Variants in LRP1B observed in about 807,000 individuals in gnomAD.
LRP1B encodes the protein LDL receptor related protein 1B.
In LRP1B, 217 loss-of-function variants were observed where a neutral mutation model predicts 556.6. That is an observed-to-expected ratio of 0.39 (90% CI 0.35 to 0.44). The LOEUF (loss-of-function observed/expected upper bound fraction) is 0.44, where lower values mean the gene tolerates loss of function less well. Among genes scored for constraint, LRP1B ranks in the 20% least tolerant of loss-of-function variants. LRP1B has a pLI of 1.00. For missense variants in LRP1B, 5,053 were observed against 5,620.8 expected, an observed-to-expected ratio of 0.90 and a Z score of 3.23; for synonymous variants, 2,047 against 1,865.8, an observed-to-expected ratio of 1.10 and a Z score of -2.50.
chr2:140,364,939 A>ATTCAATT (rs945703939), intron 71 of LRP1B, among the ~76,000 whole-genome samples, 156 bp from the exon 72 acceptor site: 4 of 151,440 alleles, frequency 2.6e-5, no homozygotes, highest in Admixed American at 6.6e-5. Context: ...AACAAGTAAT[A>ATTCAATT]TTCAATTTTT....
rs146047073 is a variant in LRP1B, at chr2:141,980,325, A to C, written c.82+150323T>G. 4.1e-3 allele frequency among the ~76,000 whole-genome samples: 626 copies of C among 152,252 alleles called. 3 individuals carry two copies. Among genetic ancestry groups the C allele is most frequent in the African/African-American group, 0.015 (608 of 41,568 alleles). ...CACCAACCTTATGATGCAGTTCCCC[A>C]ATGCTACAATAAAATGTCCTAGAAA... On this transcript the variant is annotated intron_variant, in intron 1 of 90. Transcript: ENST00000389484.
intron 3 of LRP1B, among the ~76,000 whole-genome samples, chr2:141,331,181 C>T (rs1162938623): frequency 6.6e-6 from 1 of 152,182 alleles, no homozygotes; most frequent in Non-Finnish European, 1.5e-5. Flanking sequence ...CTGCCTATCC[C>T]TGATCCTTAC....
intron 32 of LRP1B, among the ~76,000 whole-genome samples, chr2:140,783,875 A>G (rs1270186604): frequency 6.6e-6 from 1 of 152,240 alleles, no homozygotes; most frequent in East Asian, 1.9e-4. Context: ...GTGATAATCT[A>G]CATTAGAAGT....
chr2:141,340,204 T>A (rs982253199), intron 3 of LRP1B, among the ~76,000 whole-genome samples: 4 of 152,234 alleles, frequency 2.6e-5, no homozygotes, highest in African/African-American at 9.6e-5. Flanking sequence ...ATATGCCTGT[T>A]AAAGTGGAAA....
chr2:140,433,135 G>T (rs957178438), intron 66 of LRP1B, among the ~76,000 whole-genome samples: 2 of 152,306 alleles, frequency 1.3e-5, no homozygotes, highest in African/African-American at 4.8e-5. Flanking sequence ...GTCTTGCTCT[G>T]TTGCCCCGGC....
intron 43 of LRP1B, among the ~76,000 whole-genome samples, chr2:140,590,974 T>C (rs1474082654): frequency 1.3e-5 from 2 of 152,246 alleles, no homozygotes; most frequent in African/African-American, 2.4e-5. Context: ...ATAGACTTGC[T>C]GTATTCTTTA....
chr2:141,277,680 T>TC (rs1468545855), intron 3 of LRP1B, among the ~76,000 whole-genome samples: 1 of 148,944 alleles, frequency 6.7e-6, no homozygotes, highest in East Asian at 1.9e-4. Flanking sequence ...TTTTTTTTTT[T>TC]CTGTTGGTGC....
chr2:141,582,045 C>T (rs150383113), intron 2 of LRP1B, among the ~76,000 whole-genome samples: 1,821 of 152,240 alleles, frequency 0.012, 41 homozygotes, highest in African/African-American at 0.041. Context: ...CTTCATTCCT[C>T]AATTTTTCTT....
intron 21 of LRP1B, among the ~76,000 whole-genome samples, chr2:140,915,149 A>C (rs2105244448): frequency 6.6e-6 from 1 of 152,320 alleles, no homozygotes; most frequent in South Asian, 2.1e-4. Flanking sequence ...GTGAGACATA[A>C]GACATCGAGG....
chr2:141,072,333 C>T (rs537897705), intron 7 of LRP1B, among the ~76,000 whole-genome samples: 33 of 152,004 alleles, frequency 2.2e-4, no homozygotes, highest in Non-Finnish European at 3.2e-4. Flanking sequence ...TTTCGGTACC[C>T]AGGTTTCTGT....
At chr2:141,268,213 C>A in intron 3 of LRP1B, among the ~76,000 whole-genome samples, 1 of 152,122 alleles carries the variant, frequency 6.6e-6, no homozygotes, top group East Asian at 1.9e-4. Context: ...TTCACTTATG[C>A]ACTTTGCCTA....
At chr2:141,345,672 T>TG (rs928300506) in intron 3 of LRP1B, among the ~76,000 whole-genome samples, 8 of 151,086 alleles carry the variant, frequency 5.3e-5, no homozygotes, top group African/African-American at 1.9e-4. Context: ...TTTTTTTTTT[T>TG]TTTTTTACTT....
chr2:141,599,001 A>G (rs1361815098), intron 2 of LRP1B, among the ~76,000 whole-genome samples: 1 of 144,436 alleles, frequency 6.9e-6, no homozygotes. Context: ...AGCCAAGTCT[A>G]TAAAAAAATT....
chr2:142,103,496 G>T (rs1457343721), intron 1 of LRP1B, among the ~76,000 whole-genome samples: 2 of 151,604 alleles, frequency 1.3e-5, no homozygotes, highest in African/African-American at 4.8e-5. Flanking sequence ...TAACCTTTAT[G>T]TTCTTTGGTA....
intron 2 of LRP1B, among the ~76,000 whole-genome samples, chr2:141,655,462 A>C (rs1208972977): frequency 6.6e-6 from 1 of 152,056 alleles, no homozygotes; most frequent in African/African-American, 2.4e-5. Context: ...AGTTGAGCAG[A>C]GTTTTACACC....
chr2:140,532,929 G>GATATATATATATATATATATATATAT (rs539867412), intron 47 of LRP1B, among the ~76,000 whole-genome samples: 5 of 50,408 alleles, frequency 9.9e-5, no homozygotes, highest in African/African-American at 3.0e-4. Flanking sequence ...CACAGCACAA[G>GATATATATATATATATATATATATAT]ATATATATAT....
chr2:141,412,450 C>G (rs955381063), intron 3 of LRP1B, among the ~76,000 whole-genome samples: 1 of 152,132 alleles, frequency 6.6e-6, no homozygotes, highest in Non-Finnish European at 1.5e-5. Context: ...TAAGGAGAAG[C>G]ACATACTCAT....
At chr2:140,817,756 T>G (rs1691175586) in intron 31 of LRP1B, among the ~76,000 whole-genome samples, 1 of 152,098 alleles carries the variant, frequency 6.6e-6, no homozygotes, top group South Asian at 2.1e-4. Flanking sequence ...ATTAAATAAA[T>G]ATACTATGCA....
chr2:141,499,098 G>A (rs72851319), intron 2 of LRP1B, among the ~76,000 whole-genome samples: 46,047 of 151,874 alleles, frequency 0.3, 7,826 homozygotes, highest in Non-Finnish European at 0.38. Flanking sequence ...TGTTAATAAT[G>A]TGGTTAACAT....
Sources: gnomAD v4.1 joint callset for allele counts (sites outside exome capture counted in the v4.1 genomes callset) on GRCh38, gnomAD v4.1.1 for gene constraint, MANE v1.5 for transcripts, NCBI Gene and HGNC (gene_info 2026-07-23, HGNC 2026-07-21) for gene names.